PCDHGA5: variants seen among roughly 807,000 people sequenced by gnomAD.
PCDHGA5 encodes protocadherin gamma-A5.
A neutral mutation model predicts 56.7 loss-of-function variants in PCDHGA5; 36 were observed. That is an observed-to-expected ratio of 0.64 (90% confidence interval 0.49 to 0.84). The LOEUF (loss-of-function observed/expected upper bound fraction) is 0.84. PCDHGA5 is among the 40% of genes least tolerant of loss of function. The pLI is 0.00. For synonymous variants in PCDHGA5, 563 were observed against 520.2 expected, an observed-to-expected ratio of 1.08 and a Z score of -1.12; for missense variants, 1,305 against 1,201.5, an observed-to-expected ratio of 1.09 and a Z score of -1.27.
At chr5:141,428,290 C>A in intron 1 of PCDHGA5, 1 of 726,802 alleles carries the variant, frequency 1.4e-6, no homozygotes, top group Non-Finnish European at 2.4e-6. Context: ...CCAAGCAAAG[C>A]TGCAGATTTA....
At chr5:141,377,878 G>A (rs568106041) in intron 1 of PCDHGA5, 1 of 152,254 alleles carries the variant, frequency 6.6e-6, no homozygotes, top group East Asian at 1.9e-4. Flanking sequence ...TCTCTTATCA[G>A]AGATAGGATC....
chr5:141,402,994 C>A (rs1253121982), intron 1 of PCDHGA5: 1 of 1,613,722 alleles, frequency 6.2e-7, no homozygotes, highest in Non-Finnish European at 8.5e-7. Context: ...GAAGATTAGT[C>A]CTGCTATGCT....
At chr5:141,446,296 G>A (rs2098497546) in intron 1 of PCDHGA5, among the ~76,000 whole-genome samples, 1 of 152,160 alleles carries the variant, frequency 6.6e-6, no homozygotes, top group Non-Finnish European at 1.5e-5. Context: ...GGGGAGCAGG[G>A]ATTAAGAGTG....
intron 1 of PCDHGA5, chr5:141,372,345 C>G: frequency 1.2e-6 from 2 of 1,613,816 alleles, no homozygotes; most frequent in South Asian, 2.2e-5. Context: ...TGATGGAGGA[C>G]AGCAGCCTCT....
intron 1 of PCDHGA5, chr5:141,400,271 C>G: frequency 1.2e-6 from 2 of 1,614,094 alleles, no homozygotes; most frequent in Non-Finnish European, 1.7e-6. Flanking sequence ...CGACGCTCCT[C>G]CAGCCCTGCC....
intron 1 of PCDHGA5, chr5:141,393,226 T>C (rs1291576624): frequency 6.2e-7 from 1 of 1,613,712 alleles, no homozygotes; most frequent in Non-Finnish European, 8.5e-7. Context: ...GTCGAAGATC[T>C]AGAAGTAAAA....
chr5:141,404,705 G>A, intron 1 of PCDHGA5: 2 of 1,614,108 alleles, frequency 1.2e-6, no homozygotes, highest in South Asian at 2.2e-5. Flanking sequence ...TGCAGAGCCT[G>A]GCTACCTGGT....
intron 2 of PCDHGA5, among the ~76,000 whole-genome samples, chr5:141,499,146 C>T (rs1415999012): frequency 1.3e-5 from 2 of 152,132 alleles, no homozygotes; most frequent in African/African-American, 4.8e-5. Flanking sequence ...GTGTCTGATC[C>T]CAATAGCTGT....
Position 141,418,027 on chromosome 5 carries a change from T to A in PCDHGA5, c.2421+51276T>A, listed in dbSNP as rs536104184. 2.4e-5 allele frequency: 38 copies of A among 1,613,808 alleles called. 1 individual carries two copies. In the South Asian group the frequency reaches 4.2e-4, roughly 18 times the overall value. ...GGAACCTCGCTAAGGATCTAGGGCT[T>A]AGTGTCCTGGATGTGTCGGCTCGCG... On this transcript the variant is annotated intron_variant, in intron 1 of 3. Coordinates refer to ENST00000518069, the MANE Select transcript of PCDHGA5 (RefSeq NM_018918.3).
rs1239481973 is a variant in PCDHGA5 at position 141,491,585 on chromosome 5, C to G, written c.2422-3222C>G. On this transcript the variant is annotated intron_variant, in intron 1 of 3. Coordinates refer to ENST00000518069, the MANE Select transcript of PCDHGA5 (RefSeq NM_018918.3). The surrounding 1 kb of genome is among the most constrained non-coding windows in gnomAD (Gnocchi z 6.9). ...TACAGGACGTGCTTTTCACCGGCCT[C>G]GGACGGCAGTGACTTCACTTTTCTA... 6.2e-7 allele frequency: 1 copy of G among 1,613,964 alleles called. No individual in the cohort carries two copies.
chr5:141,405,345 A>C (rs758657243), intron 1 of PCDHGA5: 2 of 1,613,944 alleles, frequency 1.2e-6, no homozygotes, highest in Middle Eastern at 1.6e-4. Context: ...GTTGATTCCA[A>C]GTTTCCTATA....
At chr5:141,437,999 C>T (rs1230507077) in intron 1 of PCDHGA5, among the ~76,000 whole-genome samples, 1 of 152,062 alleles carries the variant, frequency 6.6e-6, no homozygotes, top group African/African-American at 2.4e-5. Flanking sequence ...CCTCAGCCTC[C>T]CAAATAGCTG....
At chr5:141,457,448 A>G (rs1296079061) in intron 1 of PCDHGA5, among the ~76,000 whole-genome samples, 2 of 152,196 alleles carry the variant, frequency 1.3e-5, no homozygotes, top group Non-Finnish European at 2.9e-5. Flanking sequence ...GCAGAAGATC[A>G]CCACTTGATT....
rs1358516648 is a variant in PCDHGA5, at chr5:141,489,199, A to C, written c.2422-5608A>C. The C allele has an allele frequency of 1.4e-6, 2 of 1,395,234 alleles. No individual in the cohort carries two copies. The highest frequency in any genetic ancestry group is 2.8e-5 in the South Asian group (2 of 71,520). The allele number at this position is 1,395,234 out of a possible 1,614,324, so 86.4% of individuals were successfully genotyped here. ...CAAGCCCTGGGTCTACCTTGGAGAC[A>C]GGACAGCACAGACTTACTCTCCACA... On this transcript the variant is annotated intron_variant, in intron 1 of 3. Transcript: ENST00000518069. The surrounding 1 kb of genome is among the most constrained non-coding windows in gnomAD (Gnocchi z 4.5).
chr5:141,464,824 G>A (rs1329087889), intron 1 of PCDHGA5, among the ~76,000 whole-genome samples: 2 of 151,816 alleles, frequency 1.3e-5, no homozygotes, highest in African/African-American at 2.4e-5. Context: ...CTGTAGCCTC[G>A]CACTCCTGGG....
chr5:141,374,433 A>T, intron 1 of PCDHGA5: 1 of 1,613,990 alleles, frequency 6.2e-7, no homozygotes. Flanking sequence ...CTGAATCTTT[A>T]TCCCGTGGAA....
At position 141,478,876 on chromosome 5, in the gene PCDHGA5, C is replaced by A. The variant is rs2099482470; in HGVS notation, c.2422-15931C>A. 30 of 1,265,748 alleles carry A rather than the reference C, an allele frequency of 2.4e-5. No individual in the cohort carries two copies. The South Asian group carries it at 4.7e-4, about 20-fold the overall frequency. 78.4% of individuals were successfully genotyped at this position (1,265,748 alleles called of 1,614,324 possible). On this transcript the variant is annotated intron_variant, in intron 1 of 3. Transcript: ENST00000518069. ...CAAGATCTCAGCGATCAGAGTTTAGCTTGGTATCATTTACATTAGGAATAA... is the reference window on the plus strand; with the variant it reads ...CAAGATCTCAGCGATCAGAGTTTAGATTGGTATCATTTACATTAGGAATAA...
chr5:141,375,645 A>G (rs1052759532), intron 1 of PCDHGA5: 1 of 1,614,002 alleles, frequency 6.2e-7, no homozygotes, highest in African/African-American at 1.3e-5. Flanking sequence ...CGCTCCTTCG[A>G]CTATGAGCAG....
At chr5:141,451,224 C>G (rs2098710956) in intron 1 of PCDHGA5, among the ~76,000 whole-genome samples, 1 of 152,170 alleles carries the variant, frequency 6.6e-6, no homozygotes, top group South Asian at 2.1e-4. Flanking sequence ...TTAAAAGAAG[C>G]ATTTATTATC....
Sources: allele counts gnomAD v4.1 joint callset (sites outside exome capture counted in the v4.1 genomes callset), GRCh38; gene constraint gnomAD v4.1.1; non-coding constraint Gnocchi (gnomAD v3.1); transcripts MANE v1.5; gene names NCBI Gene and HGNC (gene_info 2026-07-23, HGNC 2026-07-21).